The following RFX8 variants were observed in gnomAD, a reference collection of about 807,000 sequenced individuals.
The protein encoded by RFX8 is DNA-binding protein RFX8.
A neutral mutation model predicts 54.6 loss-of-function variants in RFX8; 46 were observed. The observed-to-expected ratio is 0.84, with a 90% CI of 0.67 to 1.08. The LOEUF is 1.08. Ranked by LOEUF, RFX8 falls within the 50% of genes least tolerant of loss-of-function variation. The probability of loss-of-function intolerance (pLI) is 0.00; values close to 1 mark genes in which losing one functional copy is unlikely to be tolerated. For synonymous variants in RFX8, 192 were observed against 209.5 expected, an observed-to-expected ratio of 0.92 and a Z score of 0.72; for missense variants, 536 against 562.3, an observed-to-expected ratio of 0.95 and a Z score of 0.47.
chr2:101,427,421 G>A (rs561828039), intron 2 of RFX8, among the ~76,000 whole-genome samples: 1 of 152,300 alleles, frequency 6.6e-6, no homozygotes, highest in East Asian at 1.9e-4. Context: ...TGGCTTTGAA[G>A]ATGGGGTGGA....
In RFX8 at chr2:101,406,075, GA is replaced by G; in HGVS notation, c.814-19del. ...CTGCTTGTCTGTTAAGTTTTTGTGA[GA>G]AAAAAGGCTGCAGTTTGTAATAAAA... On this transcript the variant is annotated intron_variant, in intron 9 of 11. Transcript: ENST00000428343. The G allele has an allele frequency of 7.1e-7, 1 of 1,406,942 alleles. No individual in the cohort carries two copies. Among genetic ancestry groups the G allele is most frequent in the East Asian group, 2.5e-5 (1 of 39,686 alleles). The allele number at this position is 1,406,942 out of a possible 1,614,324, so 87.2% of individuals were successfully genotyped here. A position where few individuals can be genotyped will look rare whatever the true frequency, so the allele number is the denominator to read the frequency against.
At chr2:101,465,962 A>G (rs1325026076) in intron 2 of RFX8, among the ~76,000 whole-genome samples, 1 of 152,222 alleles carries the variant, frequency 6.6e-6, no homozygotes, top group Admixed American at 6.5e-5. Context: ...TGTTTCAAAT[A>G]TGTGAGCAGC....
At chr2:101,399,249 T>C (rs949037398) in intron 11 of RFX8, among the ~76,000 whole-genome samples, 4 of 152,186 alleles carry the variant, frequency 2.6e-5, no homozygotes, top group African/African-American at 9.6e-5. Context: ...GGCAGATGAA[T>C]GCAGATGGGA....
intron 11 of RFX8, 64 bp from the exon 12 acceptor site, chr2:101,397,788 G>A: frequency 7.4e-7 from 1 of 1,352,468 alleles, no homozygotes; most frequent in Non-Finnish European, 9.9e-7. Context: ...CTTGTTGCAG[G>A]AACTACCATT....
chr2:101,456,473 T>C (rs1002625074), intron 2 of RFX8, among the ~76,000 whole-genome samples: 1 of 152,196 alleles, frequency 6.6e-6, no homozygotes, highest in Non-Finnish European at 1.5e-5. Flanking sequence ...GAGATAATCA[T>C]GTGGTTTTGT....
intron 8 of RFX8, among the ~76,000 whole-genome samples, chr2:101,411,427 G>A (rs1014645697): frequency 6.6e-6 from 1 of 152,144 alleles, no homozygotes; most frequent in Admixed American, 6.5e-5. Context: ...TTCCTGTTGG[G>A]ACTCACAAAG....
chr2:101,457,009 T>C (rs1272285779), intron 2 of RFX8, among the ~76,000 whole-genome samples: 4 of 152,244 alleles, frequency 2.6e-5, no homozygotes, highest in African/African-American at 7.2e-5. Flanking sequence ...GTTTATACTA[T>C]TCTCTGACGG....
At chr2:101,417,004 C>T (rs1420940266) in intron 6 of RFX8, among the ~76,000 whole-genome samples, 1 of 152,126 alleles carries the variant, frequency 6.6e-6, no homozygotes, top group African/African-American at 2.4e-5. Flanking sequence ...TGCCAAAAGT[C>T]CATGTTATTA....
intron 2 of RFX8, among the ~76,000 whole-genome samples, chr2:101,447,192 G>T (rs1468288636): frequency 2.6e-5 from 4 of 152,132 alleles, no homozygotes; most frequent in African/African-American, 9.7e-5. Context: ...CCTGCCTCCT[G>T]TCTGATTCCA....
rs1690235194 is a variant in RFX8, at chr2:101,475,013, A to G, written c.-430T>C. The stretch of plus-strand genomic sequence containing the variant: ...CCTCAACGTGAGTCCCCATATCTGT[A>G]GCCAGGTCCTGCCAGTCCTTGCTCT... On this transcript the variant is annotated 5_prime_UTR_variant, in exon 1 of 12. Transcript: ENST00000428343. Among the ~76,000 whole-genome samples the G allele has an allele frequency of 6.6e-6, 1 of 152,144 alleles. No individual in the cohort carries two copies. Among genetic ancestry groups the G allele is most frequent in the African/African-American group, 2.4e-5 (1 of 41,436 alleles).
At chr2:101,460,681 C>A (rs2148986282) in intron 2 of RFX8, among the ~76,000 whole-genome samples, 1 of 151,908 alleles carries the variant, frequency 6.6e-6, no homozygotes, top group Admixed American at 6.6e-5. Context: ...TTTCTCTACA[C>A]CCTGTCCGTA....
chr2:101,431,738 T>A (rs1265322574), intron 2 of RFX8, among the ~76,000 whole-genome samples: 1 of 152,196 alleles, frequency 6.6e-6, no homozygotes, highest in Non-Finnish European at 1.5e-5. Context: ...TATTTTGAGT[T>A]CCTAAATGGT....
chr2:101,427,227 G>A (rs1322908384), intron 2 of RFX8, among the ~76,000 whole-genome samples: 1 of 152,156 alleles, frequency 6.6e-6, no homozygotes, highest in African/African-American at 2.4e-5. Flanking sequence ...CTATGAATAT[G>A]TTCCCTTGCA....
intron 2 of RFX8, among the ~76,000 whole-genome samples, chr2:101,444,940 CAG>C (rs1688289111): frequency 1.3e-5 from 2 of 152,176 alleles, no homozygotes; most frequent in African/African-American, 4.8e-5. Flanking sequence ...AACTGAGACA[CAG>C]AGAGATTGAG....
At chr2:101,417,784 A>G in intron 5 of RFX8, 100 bp from the exon 6 acceptor site, 1 of 976,542 alleles carries the variant, frequency 1.0e-6, no homozygotes, top group Non-Finnish European at 1.5e-6. Flanking sequence ...AAGAAGTCTG[A>G]GAGCGGGTCC....
At chr2:101,420,369 C>A (rs1025071123) in intron 4 of RFX8, among the ~76,000 whole-genome samples, 2 of 150,604 alleles carry the variant, frequency 1.3e-5, no homozygotes, top group African/African-American at 4.9e-5. Context: ...TGGTAAAAAC[C>A]CCGTCTCTAC....
At chr2:101,456,563 G>T (rs1279218303) in intron 2 of RFX8, among the ~76,000 whole-genome samples, 3 of 152,098 alleles carry the variant, frequency 2.0e-5, no homozygotes, top group Non-Finnish European at 2.9e-5. Flanking sequence ...GGATGAAGCC[G>T]ACTTGATCAT....
intron 2 of RFX8, among the ~76,000 whole-genome samples, chr2:101,446,160 C>T (rs1390921420): frequency 6.6e-6 from 1 of 151,930 alleles, no homozygotes; most frequent in Non-Finnish European, 1.5e-5. Flanking sequence ...TGATCTATTA[C>T]TTTTGTTTGT....
intron 2 of RFX8, chr2:101,452,477 A>G: frequency 1.7e-6 from 2 of 1,191,010 alleles, no homozygotes; most frequent in East Asian, 3.1e-5. Context: ...TAAAGTTGCA[A>G]CTTGAAAACT....
Sources: allele counts gnomAD v4.1 joint callset (sites outside exome capture counted in the v4.1 genomes callset), GRCh38; gene constraint gnomAD v4.1.1; transcripts MANE v1.5; gene names NCBI Gene and HGNC (gene_info 2026-07-23, HGNC 2026-07-21).